RAPGEF4: variants seen among roughly 807,000 people sequenced by gnomAD.
RAPGEF4 encodes the protein RAP guanine-nucleotide-exchange factor (GEF) 4.
A neutral mutation model predicts 147.9 loss-of-function variants in RAPGEF4; 66 were observed. The observed-to-expected ratio is 0.45, with a 90% CI of 0.37 to 0.55. RAPGEF4 has a LOEUF of 0.55. Ranked by LOEUF, RAPGEF4 falls within the 20% of genes least tolerant of loss-of-function variation. RAPGEF4 has a pLI of 0.00. For synonymous variants in RAPGEF4, 419 were observed against 442.7 expected, an observed-to-expected ratio of 0.95 and a Z score of 0.67; for missense variants, 1,071 against 1,257.3, an observed-to-expected ratio of 0.85 and a Z score of 2.24.
chr2:172,794,891 G>A, intron 1 of RAPGEF4, 134 bp from the exon 2 acceptor site: 1 of 905,210 alleles, frequency 1.1e-6, no homozygotes. Context: ...TAAGGGGGTG[G>A]ATAAATATTT....
At chr2:172,809,171 A>G (rs1687782944) in intron 3 of RAPGEF4, among the ~76,000 whole-genome samples, 1 of 152,170 alleles carries the variant, frequency 6.6e-6, no homozygotes, top group African/African-American at 2.4e-5. Context: ...AGGAAGCAGG[A>G]AGGTGGTGTG....
chr2:172,879,322 A>G lies in RAPGEF4; in HGVS notation c.445-38480A>G, dbSNP rs548591395. ...GGAAGCTGCAGGGACAATACATATG[A>G]TTATGATTCCATTCATTTAAAAAAT... is the stretch of plus-strand genomic sequence containing the variant. On this transcript the variant is annotated intron_variant, in intron 4 of 30. Coordinates refer to ENST00000397081, the MANE Select transcript of RAPGEF4 (RefSeq NM_007023.4). 1.6e-4 allele frequency among the ~76,000 whole-genome samples: 25 copies of G among 152,302 alleles called. 1 individual carries two copies. In the South Asian group the frequency reaches 4.6e-3, roughly 28 times the overall value.
intron 1 of RAPGEF4, among the ~76,000 whole-genome samples, chr2:172,760,682 C>G (rs1395540806): frequency 6.7e-6 from 1 of 149,018 alleles, no homozygotes; most frequent in Non-Finnish European, 1.5e-5. Context: ...CACGCCACTG[C>G]ACTCCAGCCT....
chr2:172,790,048 A>G (rs1368337659), intron 1 of RAPGEF4, among the ~76,000 whole-genome samples: 2 of 152,212 alleles, frequency 1.3e-5, no homozygotes, highest in African/African-American at 2.4e-5. Flanking sequence ...ACTGATTTTC[A>G]TAGCAACCAC....
intron 1 of RAPGEF4, among the ~76,000 whole-genome samples, chr2:172,753,691 G>A (rs1256929606): frequency 6.6e-6 from 1 of 151,996 alleles, no homozygotes; most frequent in Non-Finnish European, 1.5e-5. Flanking sequence ...GAAATTATAG[G>A]GGAAAAGGAA....
intron 8 of RAPGEF4, 178 bp from the exon 9 acceptor site, chr2:172,965,384 G>T: frequency 8.6e-6 from 6 of 696,992 alleles, no homozygotes; most frequent in Non-Finnish European, 9.8e-6. Context: ...TGGCTTTTTT[G>T]GCTTGTATTA....
At chr2:172,926,423 G>A (rs1685363779) in intron 6 of RAPGEF4, among the ~76,000 whole-genome samples, 3 of 152,160 alleles carry the variant, frequency 2.0e-5, no homozygotes, top group Non-Finnish European at 4.4e-5. Context: ...GTTTTAGAAG[G>A]TAATACTTTA....
chr2:172,983,660 T>C (rs1691928419), intron 11 of RAPGEF4, 80 bp downstream of exon 11: 4 of 1,535,112 alleles, frequency 2.6e-6, no homozygotes, highest in African/African-American at 1.4e-5. Context: ...TATTACGGTG[T>C]TGTGGGGGGA....
At chr2:172,923,394 G>A (rs555914823) in intron 6 of RAPGEF4, among the ~76,000 whole-genome samples, 186 of 152,140 alleles carry the variant, frequency 1.2e-3, no homozygotes, top group African/African-American at 4.3e-3. Flanking sequence ...TCAGCCTGCC[G>A]AATAGCTGGG....
Position 172,794,465 on chromosome 2 carries a change from A to C in RAPGEF4, c.66-560A>C, listed in dbSNP as rs551264984. On this transcript the variant is annotated intron_variant, in intron 1 of 30. Coordinates refer to ENST00000397081, the MANE Select transcript of RAPGEF4 (RefSeq NM_007023.4). The stretch of plus-strand genomic sequence containing the variant: ...GGGCTCACATTTACACAGAAAACTA[A>C]GAAGAAGGAAAACAGCCAAATAAGA... Among the ~76,000 whole-genome samples, 179 of 152,312 alleles carry C rather than the reference A, an allele frequency of 1.2e-3. 1 individual carries two copies. Among genetic ancestry groups the C allele is most frequent in the African/African-American group, 4.0e-3 (167 of 41,572 alleles).
intron 16 of RAPGEF4, among the ~76,000 whole-genome samples, chr2:172,998,238 G>A (rs2105783193): frequency 6.6e-6 from 1 of 152,322 alleles, no homozygotes; most frequent in Admixed American, 6.5e-5. Context: ...GGCCCTGAAG[G>A]AGGCTGGTAA....
intron 4 of RAPGEF4, chr2:172,917,586 G>T (rs368221191): frequency 1.5e-6 from 1 of 682,992 alleles, no homozygotes; most frequent in Non-Finnish European, 2.7e-6. Flanking sequence ...TAGAACCCCT[G>T]CCCCCGGGCA....
At chr2:172,826,124 G>A (rs1259954338) in intron 4 of RAPGEF4, among the ~76,000 whole-genome samples, 1 of 152,218 alleles carries the variant, frequency 6.6e-6, no homozygotes, top group Non-Finnish European at 1.5e-5. Context: ...CGATTTGACT[G>A]TGGAAGGCTC....
intron 4 of RAPGEF4, among the ~76,000 whole-genome samples, chr2:172,837,215 T>C (rs1231436870): frequency 6.6e-6 from 1 of 152,214 alleles, no homozygotes; most frequent in African/African-American, 2.4e-5. Flanking sequence ...GACTAATGCT[T>C]GCTATGGGCT....
chr2:173,010,574 C>T (rs997949777), intron 17 of RAPGEF4, among the ~76,000 whole-genome samples: 5 of 152,176 alleles, frequency 3.3e-5, no homozygotes, highest in African/African-American at 1.2e-4. Flanking sequence ...CATATTGAGA[C>T]AAGGGAACTA....
chr2:172,971,698 G>T (rs1240174240), intron 10 of RAPGEF4, among the ~76,000 whole-genome samples: 1 of 152,074 alleles, frequency 6.6e-6, no homozygotes, highest in Non-Finnish European at 1.5e-5. Flanking sequence ...GAAAAGTAAG[G>T]AATCTAATTT....
At chr2:173,019,016 G>A (rs1160368493) in intron 22 of RAPGEF4, among the ~76,000 whole-genome samples, 1 of 152,182 alleles carries the variant, frequency 6.6e-6, no homozygotes, top group Non-Finnish European at 1.5e-5. Flanking sequence ...AATCAGAAAG[G>A]TGACTGGAAC....
At chr2:172,789,434 T>C (rs1685581496) in intron 1 of RAPGEF4, among the ~76,000 whole-genome samples, 1 of 152,200 alleles carries the variant, frequency 6.6e-6, no homozygotes, top group Non-Finnish European at 1.5e-5. Flanking sequence ...TGTTTACAAA[T>C]GATTCTTTTT....
At chr2:172,899,245 T>C (rs1460053379) in intron 4 of RAPGEF4, among the ~76,000 whole-genome samples, 1 of 152,180 alleles carries the variant, frequency 6.6e-6, no homozygotes, top group Non-Finnish European at 1.5e-5. Context: ...TCTAGTACTA[T>C]AGAGATAATT....
Sources: allele counts gnomAD v4.1 joint callset (sites outside exome capture counted in the v4.1 genomes callset), GRCh38; gene constraint gnomAD v4.1.1; transcripts MANE v1.5; gene names NCBI Gene and HGNC (gene_info 2026-07-23, HGNC 2026-07-21).